Variants in TPGS2 observed in about 807,000 individuals in gnomAD.
TPGS2 encodes the protein polyglutamylase subunit 2.
In TPGS2, 26 loss-of-function variants were observed where a neutral mutation model predicts 31.1. The ratio of observed to expected loss-of-function variants is 0.84; its 90% CI spans 0.61 to 1.16. The LOEUF (loss-of-function observed/expected upper bound fraction) is 1.16. Among genes scored for constraint, TPGS2 ranks in the 50% most tolerant of loss-of-function variants. TPGS2 has a pLI of 0.00. For missense variants in TPGS2, 351 were observed against 363.8 expected (o/e 0.96, Z 0.29); for synonymous variants, 130 against 136.6 (o/e 0.95, Z 0.34).
Position 36,795,906 on chromosome 18 carries a change from A to G in TPGS2, c.*899T>C. 1 of 985,298 alleles carries G rather than the reference A, an allele frequency of 1.0e-6. No homozygotes were observed. The highest frequency in any genetic ancestry group is 6.2e-5 in the Admixed American group (1 of 16,254). 61.0% of individuals were successfully genotyped at this position (985,298 alleles called of 1,614,324 possible). On this transcript the variant is annotated 3_prime_UTR_variant, in exon 7 of 7. Transcript: ENST00000334295. Reference sequence around the variant, plus strand: ...CTGGCACCATTAAAACTCTTTCTTTATGAAGAGTTGTGCAAAACAATGTTT... The same window carrying G: ...CTGGCACCATTAAAACTCTTTCTTTGTGAAGAGTTGTGCAAAACAATGTTT...
rs984169563 is a variant in TPGS2, at chr18:36,794,118, A to G, written c.*2687T>C. On this transcript the variant is annotated 3_prime_UTR_variant, in exon 7 of 7. Coordinates refer to ENST00000334295, the MANE Select transcript of TPGS2 (RefSeq NM_015476.4). ...GTAAAATGCATGATAGGAATTTAAC[A>G]TTTAAGTTTTTAGTTAGAACAGCAT... is the stretch of plus-strand genomic sequence containing the variant. 7 of 253,374 alleles carry G rather than the reference A, an allele frequency of 2.8e-5. No homozygotes were observed. Among genetic ancestry groups the G allele is most frequent in the African/African-American group, 4.6e-5 (2 of 43,338 alleles). 15.7% of individuals were successfully genotyped at this position (253,374 alleles called of 1,614,324 possible).
chr18:36,810,655 A>G (rs1226945008), intron 2 of TPGS2, among the ~76,000 whole-genome samples: 2 of 152,346 alleles, frequency 1.3e-5, no homozygotes, highest in African/African-American at 4.8e-5. Context: ...TCAAGATGGT[A>G]TCTGCAATCT....
intron 5 of TPGS2, 81 bp downstream of exon 5, chr18:36,800,117 G>T: frequency 8.0e-7 from 1 of 1,254,184 alleles, no homozygotes; most frequent in Non-Finnish European, 1.2e-6. Flanking sequence ...GGAGGTATGT[G>T]TCTCCTGAGC....
At chr18:36,798,284 C>T (rs1298649623) in intron 6 of TPGS2, 165 bp downstream of exon 6, 1 of 1,441,930 alleles carries the variant, frequency 6.9e-7, no homozygotes, top group African/African-American at 1.4e-5. Context: ...TAAAGTGAGG[C>T]TGTCCATTGG....
At chr18:36,788,991 C>T (rs1482896743) in intron 6 of TPGS2, 1 of 152,196 alleles carries the variant, frequency 6.6e-6, no homozygotes, top group African/African-American at 2.4e-5. Flanking sequence ...CCTTCCTTTC[C>T]CACAGCTTTC....
downstream of TPGS2, among the ~76,000 whole-genome samples, chr18:36,792,027 C>CAA (rs754114446): frequency 0.025 from 2,058 of 83,878 alleles, 72 homozygotes; most frequent in African/African-American, 0.072. Context: ...GACCCTGTCT[C>CAA]AAAAAAAAAA....
chr18:36,798,391 T>C, intron 6 of TPGS2, 58 bp downstream of exon 6: 5 of 1,607,888 alleles, frequency 3.1e-6, no homozygotes, highest in Non-Finnish European at 4.3e-6. Context: ...ATGTAACCAT[T>C]TCCTCAGTAG....
chr18:36,827,671 C>T (rs1230190315), intron 1 of TPGS2, among the ~76,000 whole-genome samples: 1 of 152,110 alleles, frequency 6.6e-6, no homozygotes, highest in African/African-American at 2.4e-5. Flanking sequence ...CTTAAAAGAC[C>T]TTTCTCCTCC....
Position 36,828,808 on chromosome 18 carries a change from G to A in TPGS2, c.-41C>T, listed in dbSNP as rs2046329427. 2 of 1,604,692 alleles carry A rather than the reference G, an allele frequency of 1.2e-6. No homozygotes were observed. Among genetic ancestry groups the A allele is most frequent in the Non-Finnish European group, 1.7e-6 (2 of 1,174,684 alleles). The stretch of plus-strand genomic sequence containing the variant: ...TTCGCGCGCGGCGGGAGCGGGTGGA[G>A]GGCCGGACCCCGCCTCAGCGCCGAG... On this transcript the variant is annotated 5_prime_UTR_variant, in exon 1 of 7. Coordinates refer to ENST00000334295, the MANE Select transcript of TPGS2 (RefSeq NM_015476.4).
intron 6 of TPGS2, among the ~76,000 whole-genome samples, chr18:36,784,141 A>G (rs2044077512): frequency 6.6e-6 from 1 of 152,244 alleles, no homozygotes; most frequent in African/African-American, 2.4e-5. Context: ...TTGAACTGCT[A>G]GCCTCCAGAA....
At chr18:36,806,457 A>G (rs534576027) in intron 3 of TPGS2, among the ~76,000 whole-genome samples, 1 of 152,302 alleles carries the variant, frequency 6.6e-6, no homozygotes, top group South Asian at 2.1e-4. Flanking sequence ...GCCATGCTAT[A>G]AAAGAAGGTT....
intron 6 of TPGS2, 131 bp from the exon 7 acceptor site, chr18:36,797,181 A>G: frequency 6.6e-7 from 1 of 1,511,494 alleles, no homozygotes; most frequent in Non-Finnish European, 8.8e-7. Context: ...CTGCCTAAAA[A>G]TCTATTTGCT....
At chr18:36,810,609 A>G (rs1394002634) in intron 2 of TPGS2, among the ~76,000 whole-genome samples, 1 of 152,180 alleles carries the variant, frequency 6.6e-6, no homozygotes, top group Non-Finnish European at 1.5e-5. Flanking sequence ...AAGGGAGAGT[A>G]ACAACGACTG....
chr18:36,798,636 A>AGAT, intron 5 of TPGS2, 27 bp from the exon 6 acceptor site: 1 of 1,607,348 alleles, frequency 6.2e-7, no homozygotes, highest in Admixed American at 1.7e-5. Flanking sequence ...AGGAAGTAAA[A>AGAT]GATAAAGAAT....
In TPGS2 at chr18:36,795,006, CTT is replaced by C. The variant is rs1384644135; in HGVS notation, c.*1797_*1798del. The stretch of plus-strand genomic sequence containing the variant: ...AGCTCAGTTTATGCTCCCAAAGACT[CTT>C]AAGCGCTGATATTTCAAGACTTTGA... On this transcript the variant is annotated 3_prime_UTR_variant, in exon 7 of 7. Transcript: ENST00000334295. 1 of 985,278 alleles carries C rather than the reference CTT, an allele frequency of 1.0e-6. No homozygotes were observed. Among genetic ancestry groups the C allele is most frequent in the African/African-American group, 1.7e-5 (1 of 57,212 alleles). 61.0% of individuals were successfully genotyped at this position (985,278 alleles called of 1,614,324 possible).
intron 6 of TPGS2, 128 bp downstream of exon 6, chr18:36,798,321 G>C: frequency 2.0e-6 from 3 of 1,516,174 alleles, no homozygotes; most frequent in Non-Finnish European, 2.7e-6. Flanking sequence ...TATTGAAAAT[G>C]CAGGTTCCTG....
chr18:36,817,840 GGTAA>G, intron 2 of TPGS2: 1 of 152,228 alleles, frequency 6.6e-6, no homozygotes, highest in Non-Finnish European at 1.5e-5. Context: ...TGACTTATGG[GGTAA>G]GTGTTAGCAG....
chr18:36,796,355 G>C lies in TPGS2; in HGVS notation c.*450C>G. On this transcript the variant is annotated 3_prime_UTR_variant, in exon 7 of 7. Coordinates refer to ENST00000334295, the MANE Select transcript of TPGS2 (RefSeq NM_015476.4). ...TACCAGCCACATGAATACTCAAAATGTGGCTAATGCAATTGAAGAAATGAA... is the reference window on the plus strand; with the variant it reads ...TACCAGCCACATGAATACTCAAAATCTGGCTAATGCAATTGAAGAAATGAA... 1 of 973,780 alleles carries C rather than the reference G, an allele frequency of 1.0e-6. No individual in the cohort carries two copies. The highest frequency in any genetic ancestry group is 1.8e-5 in the African/African-American group (1 of 57,126). The allele number at this position is 973,780 out of a possible 1,614,324, so 60.3% of individuals were successfully genotyped here.
chr18:36,798,716 G>A, intron 5 of TPGS2, 107 bp from the exon 6 acceptor site: 2 of 1,476,126 alleles, frequency 1.4e-6, no homozygotes, highest in Non-Finnish European at 1.8e-6. Context: ...TCCCAACAGA[G>A]AGAATGGAAA....
Sources: gnomAD v4.1 joint callset for allele counts (sites outside exome capture counted in the v4.1 genomes callset) on GRCh38, gnomAD v4.1.1 for gene constraint, MANE v1.5 for transcripts, NCBI Gene and HGNC (gene_info 2026-07-23, HGNC 2026-07-21) for gene names.